Variants in MYO5A observed in about 807,000 individuals in gnomAD.
MYO5A encodes the protein unconventional myosin-Va.
Under a neutral mutation model 249.7 loss-of-function variants are expected in MYO5A, and 98 were observed. The ratio of observed to expected loss-of-function variants is 0.39; its 90% CI spans 0.33 to 0.46. The LOEUF is 0.46. Ranked by LOEUF, MYO5A falls within the 20% of genes least tolerant of loss-of-function variation. The pLI is 0.98. For synonymous variants in MYO5A, 778 were observed against 810.6 expected (o/e 0.96, Z 0.68); for missense variants, 1,696 against 2,308.8 (o/e 0.73, Z 5.44).
chr15:52,421,721 T>C (rs796941239), intron 4 of MYO5A, among the ~76,000 whole-genome samples: 4 of 152,268 alleles, frequency 2.6e-5, no homozygotes, highest in African/African-American at 9.6e-5. Flanking sequence ...CCATCAAACA[T>C]AAAGATAACA....
At chr15:52,414,855 A>T (rs2043407061) in intron 5 of MYO5A, among the ~76,000 whole-genome samples, 1 of 152,196 alleles carries the variant, frequency 6.6e-6, no homozygotes, top group African/African-American at 2.4e-5. Context: ...TCAAAATCTT[A>T]ACATTTGCTT....
chr15:52,452,137 T>C (rs2076032724), intron 1 of MYO5A, among the ~76,000 whole-genome samples: 1 of 151,056 alleles, frequency 6.6e-6, no homozygotes, highest in Non-Finnish European at 1.5e-5. Context: ...CTCCCCCCAC[T>C]GAAAACCAAA....
intron 20 of MYO5A, among the ~76,000 whole-genome samples, chr15:52,372,646 T>C (rs1227976356): frequency 6.6e-6 from 1 of 152,178 alleles, no homozygotes; most frequent in Non-Finnish European, 1.5e-5. Flanking sequence ...AATATAGAGT[T>C]GGAAGCTGTC....
chr15:52,432,004 C>T (rs1308974088), intron 2 of MYO5A, among the ~76,000 whole-genome samples: 1 of 151,488 alleles, frequency 6.6e-6, no homozygotes, highest in African/African-American at 2.4e-5. Flanking sequence ...GTCAAAGGAC[C>T]CAATCTAAGA....
At chr15:52,418,087 A>T (rs915034634) in intron 4 of MYO5A, among the ~76,000 whole-genome samples, 1 of 152,234 alleles carries the variant, frequency 6.6e-6, no homozygotes, top group Non-Finnish European at 1.5e-5. Context: ...GGAAGGGTAC[A>T]TTCCAGGCAA....
At chr15:52,518,720 A>C (rs1247489237) in intron 1 of MYO5A, among the ~76,000 whole-genome samples, 1 of 152,234 alleles carries the variant, frequency 6.6e-6, no homozygotes, top group Non-Finnish European at 1.5e-5. Flanking sequence ...TAAGCTAAAA[A>C]ACTAAGGTTG....
chr15:52,351,391 T>A lies in MYO5A; in HGVS notation c.3712A>T (p.Thr1238Ser). The change falls in exon 28 of 42, where the codon ACC (threonine) becomes TCC (serine). Residue 1238 changes from threonine to serine, a missense_variant. Physicochemically the swap from Thr to Ser is moderately conservative, Grantham distance 58 (BLOSUM62 1). Coordinates refer to ENST00000399233, the MANE Select transcript of MYO5A (RefSeq NM_001382347.1). Reference protein sequence around the residue: ...ALSEKSAPEVTAPGAPAYRVL... With the variant: ...ALSEKSAPEVSAPGAPAYRVL... The stretch of plus-strand genomic sequence containing the variant: ...CGGTAGGCAGGTGCACCTGGGGCGG[T>A]CACCTCTGGGGCACTTTTCTCACTG... 6.2e-7 allele frequency: 1 copy of A among 1,614,184 alleles called. No individual in the cohort carries two copies. The highest frequency in any genetic ancestry group is 8.5e-7 in the Non-Finnish European group (1 of 1,180,004).
chr15:52,480,693 CTTGGCAGTGCTAGTTATCA>C (rs1368490085), intron 1 of MYO5A, among the ~76,000 whole-genome samples: 1 of 152,200 alleles, frequency 6.6e-6, no homozygotes, highest in Non-Finnish European at 1.5e-5. Flanking sequence ...TTCTCTTTTC[CTTGGCAGTGCTAGTTATCA>C]TTGGAGAGTG....
chr15:52,396,262 G>T, intron 11 of MYO5A, 54 bp downstream of exon 11: 1 of 1,052,312 alleles, frequency 9.5e-7, no homozygotes, highest in South Asian at 1.4e-5. Context: ...CAAAGACTAG[G>T]AATTCAAGAG....
intron 33 of MYO5A, among the ~76,000 whole-genome samples, chr15:52,336,933 T>C (rs2039148291): frequency 6.6e-6 from 1 of 152,106 alleles, no homozygotes; most frequent in African/African-American, 2.4e-5. Flanking sequence ...ACAAAAAGGT[T>C]TGTGGAAAGA....
chr15:52,331,885 T>C (rs1207132895), intron 34 of MYO5A: 1 of 984,494 alleles, frequency 1.0e-6, no homozygotes, highest in Non-Finnish European at 1.2e-6. Context: ...TACGGCCATC[T>C]CCCATAATCT....
At chr15:52,346,044 T>G (rs149775338) in intron 30 of MYO5A, among the ~76,000 whole-genome samples, 4 of 152,358 alleles carry the variant, frequency 2.6e-5, no homozygotes, top group African/African-American at 9.6e-5. Flanking sequence ...CAAATGAAAG[T>G]GACTACCTAA....
At chr15:52,392,778 C>T (rs1378103290) in intron 11 of MYO5A, among the ~76,000 whole-genome samples, 1 of 152,266 alleles carries the variant, frequency 6.6e-6, no homozygotes, top group East Asian at 1.9e-4. Context: ...TGGGCAACAA[C>T]ACCGATGTGG....
chr15:52,458,133 GGTTA>G (rs1595719227), intron 1 of MYO5A, among the ~76,000 whole-genome samples: 1 of 152,318 alleles, frequency 6.6e-6, no homozygotes, highest in East Asian at 1.9e-4. Context: ...GATAAAGAGA[GGTTA>G]GTTAATGGGT....
chr15:52,455,444 T>C (rs2076098702), intron 1 of MYO5A, among the ~76,000 whole-genome samples: 1 of 152,050 alleles, frequency 6.6e-6, no homozygotes, highest in Non-Finnish European at 1.5e-5. Flanking sequence ...TGGGGAATAG[T>C]TCCGAACTCA....
At chr15:52,510,588 G>A (rs1377876854) in intron 1 of MYO5A, among the ~76,000 whole-genome samples, 7 of 152,172 alleles carry the variant, frequency 4.6e-5, no homozygotes, top group Admixed American at 3.3e-4. Flanking sequence ...GATCAGCAGT[G>A]GCATTAGATT....
intron 1 of MYO5A, among the ~76,000 whole-genome samples, chr15:52,440,019 G>C (rs1007963736): frequency 2.0e-5 from 3 of 152,212 alleles, no homozygotes; most frequent in African/African-American, 4.8e-5. Flanking sequence ...TAGCTTGCAA[G>C]GAAAATAAAA....
intron 1 of MYO5A, among the ~76,000 whole-genome samples, chr15:52,467,864 T>C (rs917064422): frequency 1.3e-5 from 2 of 152,096 alleles, no homozygotes; most frequent in Admixed American, 6.5e-5. Flanking sequence ...GAGAATGGGA[T>C]GGCATTTTCA....
At chr15:52,420,331 G>C (rs901387608) in intron 4 of MYO5A, among the ~76,000 whole-genome samples, 1 of 150,960 alleles carries the variant, frequency 6.6e-6, no homozygotes, top group African/African-American at 2.4e-5. Context: ...AAGGTGACTA[G>C]GTCGTGAGGG....
Sources: gnomAD v4.1 joint callset for allele counts (sites outside exome capture counted in the v4.1 genomes callset) on GRCh38, gnomAD v4.1.1 for gene constraint, MANE v1.5 for transcripts, NCBI Gene and HGNC (gene_info 2026-07-23, HGNC 2026-07-21) for gene names.